ATP5PB: variants seen among roughly 807,000 people sequenced by gnomAD.
ATP5PB encodes the protein ATP synthase peripheral stalk subunit b, mitochondrial.
A neutral mutation model predicts 34.5 loss-of-function variants in ATP5PB; 21 were observed. The observed-to-expected ratio is 0.61, with a 90% CI of 0.43 to 0.88. The LOEUF (loss-of-function observed/expected upper bound fraction) is 0.88, where lower values mean the gene tolerates loss of function less well. ATP5PB is among the 40% of genes least tolerant of loss of function. ATP5PB has a pLI of 0.00. For synonymous variants in ATP5PB, 108 were observed against 114.1 expected (o/e 0.95, Z 0.34); for missense variants, 293 against 317.4 (o/e 0.92, Z 0.58).
intron 4 of ATP5PB, 107 bp from the exon 5 acceptor site, chr1:111,456,523 G>A (rs956404066): frequency 2.2e-6 from 3 of 1,381,462 alleles, no homozygotes; most frequent in Non-Finnish European, 2.9e-6. Context: ...TTTCTTTGTG[G>A]GTGTTTTTAC....
Position 111,461,966 on chromosome 1 carries a change from G to A in ATP5PB, c.*972G>A, listed in dbSNP as rs1653635790. On this transcript the variant is annotated 3_prime_UTR_variant, in exon 7 of 7. Transcript: ENST00000369722. ...CATAGAAAATAACAAGTGTTGGCAA[G>A]GAAGTGGAGAAGTTGGAACACTTGT... The A allele has an allele frequency of 6.6e-6, 1 of 151,630 alleles. No individual in the cohort carries two copies. Among genetic ancestry groups the A allele is most frequent in the Admixed American group, 6.6e-5 (1 of 15,244 alleles). The allele number at this position is 151,630 out of a possible 1,614,324, so 9.4% of individuals were successfully genotyped here. A position where few individuals can be genotyped will look rare whatever the true frequency, so the allele number is the denominator to read the frequency against.
intron 1 of ATP5PB, 118 bp downstream of exon 1, chr1:111,449,699 C>T: frequency 6.5e-7 from 1 of 1,550,268 alleles, no homozygotes; most frequent in African/African-American, 1.4e-5. Flanking sequence ...GTGGTCAGTG[C>T]AGTTCGGAAG....
At chr1:111,456,544 T>TAC in intron 4 of ATP5PB, 86 bp from the exon 5 acceptor site, 1 of 1,504,596 alleles carries the variant, frequency 6.6e-7, no homozygotes, top group Non-Finnish European at 8.9e-7. Flanking sequence ...AAATGAGATA[T>TAC]ACAACTTTGA....
chr1:111,460,672 C>T (rs562495312), intron 6 of ATP5PB, among the ~76,000 whole-genome samples: 6 of 152,278 alleles, frequency 3.9e-5, no homozygotes, highest in African/African-American at 1.2e-4. Context: ...ATACAGGTTT[C>T]ACCCATAAAG....
Position 111,460,928 on chromosome 1 carries a change from A to G in ATP5PB, c.705A>G (p.Thr235=), listed in dbSNP as rs758943813. Residue 235 remains threonine, a synonymous_variant, in exon 7 of 7, where the codon ACA becomes ACG. Transcript: ENST00000369722. ...TTTCCTTATCACAGGAAAAGGAGAC[A>G]ATTGCCAAGTGCATTGCGGACCTAA... ...QSISTQQEKE[T]IAKCIADLKL... The G allele has an allele frequency of 6.8e-6, 11 of 1,613,658 alleles. No individual in the cohort carries two copies. In the Admixed American group the frequency reaches 8.3e-5, roughly 12 times the overall value.
At chr1:111,454,047 ATT>A (rs1346162206) in intron 2 of ATP5PB, among the ~76,000 whole-genome samples, 162 bp from the exon 3 acceptor site, 2 of 152,234 alleles carry the variant, frequency 1.3e-5, no homozygotes, top group African/African-American at 4.8e-5. Context: ...GTCACAGCTG[ATT>A]ACTGGACCCT....
rs749185529 is a variant in ATP5PB, at chr1:111,454,352, A to G, written c.219A>G (p.Val73=). The G allele has an allele frequency of 2.1e-5, 33 of 1,596,676 alleles. No homozygotes were observed. Among genetic ancestry groups the G allele is most frequent in the Non-Finnish European group, 2.7e-5 (32 of 1,174,166 alleles). The part of the protein sequence containing the change: ...FFQFLYPKTG[V]TGPYVLGTGL... ...AGTTTCTTTATCCTAAAACTGGTGT[A>G]ACAGGTGAGCATTTTTGCCTAGTCT... is the stretch of plus-strand genomic sequence containing the variant. The change falls in exon 3 of 7, where the codon GTA becomes GTG. Residue 73 remains valine, a synonymous_variant. Coordinates refer to ENST00000369722, the MANE Select transcript of ATP5PB (RefSeq NM_001688.5).
intron 5 of ATP5PB, among the ~76,000 whole-genome samples, chr1:111,458,525 A>G (rs1653531620): frequency 6.6e-6 from 1 of 152,188 alleles, no homozygotes; most frequent in South Asian, 2.1e-4. Context: ...TGATACAGTC[A>G]AGGAAAAGTA....
In ATP5PB at chr1:111,461,276, G is replaced by A; in HGVS notation, c.*282G>A. ...CCTGACTAAAGATTAACAGGTTATAGTTTAAATTTGTAATTAATTCTACCA... is the reference window on the plus strand; with the variant it reads ...CCTGACTAAAGATTAACAGGTTATAATTTAAATTTGTAATTAATTCTACCA... On this transcript the variant is annotated 3_prime_UTR_variant, in exon 7 of 7. Transcript: ENST00000369722. 4.3e-6 allele frequency: 1 copy of A among 235,122 alleles called. No individual in the cohort carries two copies. The highest frequency in any genetic ancestry group is 7.9e-5 in the South Asian group (1 of 12,694). The allele number at this position is 235,122 out of a possible 1,614,324, so 14.6% of individuals were successfully genotyped here.
At chr1:111,458,861 C>T (rs1653540338) in intron 5 of ATP5PB, among the ~76,000 whole-genome samples, 2 of 152,102 alleles carry the variant, frequency 1.3e-5, no homozygotes, top group African/African-American at 4.8e-5. Flanking sequence ...TAATTTCTGC[C>T]TCAGTTTCCT....
chr1:111,459,716 A>G, intron 6 of ATP5PB, 80 bp downstream of exon 6: 5 of 1,454,418 alleles, frequency 3.4e-6, no homozygotes, highest in Non-Finnish European at 3.7e-6. Flanking sequence ...TAAGGTAGGA[A>G]TAGCTGGCAA....
intron 5 of ATP5PB, 102 bp from the exon 6 acceptor site, chr1:111,459,354 TA>T: frequency 8.8e-7 from 1 of 1,138,146 alleles, no homozygotes; most frequent in Non-Finnish European, 1.2e-6. Flanking sequence ...GAATTTCACG[TA>T]AAATACAAAA....
intron 2 of ATP5PB, among the ~76,000 whole-genome samples, chr1:111,451,601 C>A (rs2101754532): frequency 6.6e-6 from 1 of 152,110 alleles, no homozygotes; most frequent in South Asian, 2.1e-4. Flanking sequence ...TGAATGTTAG[C>A]CCAAAATGGG....
chr1:111,449,538 G>C lies in ATP5PB; in HGVS notation c.-4G>C, dbSNP rs1653242500. On this transcript the variant is annotated 5_prime_UTR_variant, in exon 1 of 7. Transcript: ENST00000369722. ...TAAGATTGCTACCTGGACTTTCGTT[G>C]ACCATGCTGTCCCGGGTGGTACTTT... 1 of 1,613,738 alleles carries C rather than the reference G, an allele frequency of 6.2e-7. No homozygotes were observed. The highest frequency in any genetic ancestry group is 1.3e-5 in the African/African-American group (1 of 74,924).
At chr1:111,454,031 G>A (rs1653401718) in intron 2 of ATP5PB, among the ~76,000 whole-genome samples, 180 bp from the exon 3 acceptor site, 1 of 152,186 alleles carries the variant, frequency 6.6e-6, no homozygotes, top group African/African-American at 2.4e-5. Context: ...TTAATTCTTT[G>A]CTGTTGTCAC....
At position 111,454,284 on chromosome 1, in the gene ATP5PB, G is replaced by A. The variant is rs140312350; in HGVS notation, c.151G>A (p.Gly51Arg). The change falls in exon 3 of 7, where the codon GGA (glycine) becomes AGA (arginine). Residue 51 changes from glycine (G) to arginine (R), a missense_variant. Coordinates refer to ENST00000369722, the MANE Select transcript of ATP5PB (RefSeq NM_001688.5). Reference sequence around the variant, plus strand: ...CCCTGTACCACCTCTTCCTGAATACGGAGGAAAAGTTCGTTATGGACTGAT... The same window carrying A: ...CCCTGTACCACCTCTTCCTGAATACAGAGGAAAAGTTCGTTATGGACTGAT... Reference protein sequence around the residue: ...LVPVPPLPEYGGKVRYGLIPE... With the variant: ...LVPVPPLPEYRGKVRYGLIPE... The A allele has an allele frequency of 1.5e-5, 25 of 1,613,436 alleles. No homozygotes were observed. In the Admixed American group the frequency reaches 2.3e-4, roughly 15 times the overall value.
chr1:111,457,338 CACAA>C (rs1173425114), intron 5 of ATP5PB, among the ~76,000 whole-genome samples: 2 of 149,986 alleles, frequency 1.3e-5, no homozygotes, highest in East Asian at 2.0e-4. Flanking sequence ...CACACACACA[CACAA>C]ACAACAAATT....
chr1:111,457,445 A>G (rs950944743), intron 5 of ATP5PB, among the ~76,000 whole-genome samples: 3 of 152,150 alleles, frequency 2.0e-5, no homozygotes, highest in African/African-American at 7.2e-5. Context: ...ATGTTCAAGT[A>G]TTTTGTTATT....
At chr1:111,459,397 G>T in intron 5 of ATP5PB, 60 bp from the exon 6 acceptor site, 4 of 1,485,984 alleles carry the variant, frequency 2.7e-6, no homozygotes, top group Non-Finnish European at 3.6e-6. Flanking sequence ...AGAATCTTCA[G>T]AGTAGAAGTA....
Sources: gnomAD v4.1 joint callset for allele counts (sites outside exome capture counted in the v4.1 genomes callset) on GRCh38, gnomAD v4.1.1 for gene constraint, MANE v1.5 for transcripts, NCBI Gene and HGNC (gene_info 2026-07-23, HGNC 2026-07-21) for gene names.